The following GPAM variants were observed in gnomAD, a reference collection of about 807,000 sequenced individuals.
GPAM encodes glycerol-3-phosphate acyltransferase 1, mitochondrial.
In GPAM, 56 loss-of-function variants were observed where a neutral mutation model predicts 105.0. The ratio of observed to expected loss-of-function variants is 0.53; its 90% CI spans 0.43 to 0.67. The LOEUF is 0.67. GPAM is among the 30% of genes least tolerant of loss of function. The pLI is 0.00. For synonymous variants in GPAM, 368 were observed against 354.4 expected (o/e 1.04, Z -0.43); for missense variants, 855 against 989.8 (o/e 0.86, Z 1.83).
At chr10:112,211,534 C>A (rs906544723) in intron 1 of GPAM, among the ~76,000 whole-genome samples, 1 of 152,148 alleles carries the variant, frequency 6.6e-6, no homozygotes, top group Non-Finnish European at 1.5e-5. Flanking sequence ...CCCACCCCAT[C>A]GAAACTAGGT....
At position 112,173,774 on chromosome 10, in the gene GPAM, G is replaced by C. The variant is rs748195447; in HGVS notation, c.485C>G (p.Ala162Gly). Residue 162 changes from alanine (A) to glycine (G), a missense_variant, in exon 7 of 22, where the codon GCC becomes GGC. Transcript: ENST00000348367. ...PDGSAQQQSK[A>G]VNKVKKKAKR... ...AGCTTTCTTTTTCACTTTGTTAACG[G>C]CTTTTGATTGCTGCTGGGCAGAACC... The C allele has an allele frequency of 1.2e-5, 20 of 1,613,226 alleles. No homozygotes were observed. Among genetic ancestry groups the C allele is most frequent in the Middle Eastern group, 3.3e-4 (2 of 6,060 alleles).
chr10:112,223,812 T>C, the GPAM span, among the ~76,000 whole-genome samples: 1 of 152,206 alleles, frequency 6.6e-6, no homozygotes, highest in Non-Finnish European at 1.5e-5. Flanking sequence ...AAACAAAGAC[T>C]ACAGCAAAAT....
At chr10:112,178,466 C>T (rs1847446630) in intron 4 of GPAM, among the ~76,000 whole-genome samples, 1 of 152,102 alleles carries the variant, frequency 6.6e-6, no homozygotes, top group African/African-American at 2.4e-5. Context: ...AGGAGAATTG[C>T]TTGAACCTAA....
chr10:112,189,176 T>G (rs1847627209), intron 1 of GPAM, among the ~76,000 whole-genome samples: 1 of 152,232 alleles, frequency 6.6e-6, no homozygotes, highest in Non-Finnish European at 1.5e-5. Context: ...TATCAAGAAC[T>G]TTTAAAGGAA....
At chr10:112,200,750 A>G (rs1032897913) in intron 1 of GPAM, among the ~76,000 whole-genome samples, 1 of 152,202 alleles carries the variant, frequency 6.6e-6, no homozygotes, top group Non-Finnish European at 1.5e-5. Context: ...CTGAAGGGAT[A>G]CTTTTACCTC....
chr10:112,171,636 C>A (rs943940753), intron 9 of GPAM, among the ~76,000 whole-genome samples: 7 of 152,206 alleles, frequency 4.6e-5, no homozygotes, highest in Non-Finnish European at 2.9e-5. Context: ...GCTCCTGTAT[C>A]TCTCCGCATT....
At chr10:112,162,131 A>G (rs10885313) in intron 14 of GPAM, among the ~76,000 whole-genome samples, 58,293 of 152,034 alleles carry the variant, frequency 0.38, 12,304 homozygotes, top group East Asian at 0.49. Context: ...CTACAACTCT[A>G]CTTCACTCTT....
upstream of GPAM, among the ~76,000 whole-genome samples, chr10:112,216,049 T>A (rs952974852): frequency 6.6e-6 from 1 of 152,142 alleles, no homozygotes; most frequent in African/African-American, 2.4e-5. Context: ...GCTAGCTGTG[T>A]CCATGTGACT....
At chr10:112,207,382 G>A (rs1847863890) in intron 1 of GPAM, among the ~76,000 whole-genome samples, 1 of 152,186 alleles carries the variant, frequency 6.6e-6, no homozygotes, top group Non-Finnish European at 1.5e-5. Context: ...AGCTGGCAGA[G>A]CCTTGATGAG....
At chr10:112,204,212 C>T (rs1313257725) in intron 1 of GPAM, among the ~76,000 whole-genome samples, 3 of 151,730 alleles carry the variant, frequency 2.0e-5, no homozygotes, top group Admixed American at 2.0e-4. Context: ...TAGAACAATG[C>T]TGTCTGCAAA....
chr10:112,172,045 T>G (rs1847321382), intron 9 of GPAM, 137 bp downstream of exon 9: 1 of 675,268 alleles, frequency 1.5e-6, no homozygotes. Context: ...ACACAATAAC[T>G]ATGTATCACT....
At chr10:112,203,583 G>C (rs1370070773) in intron 1 of GPAM, among the ~76,000 whole-genome samples, 1 of 152,124 alleles carries the variant, frequency 6.6e-6, no homozygotes. Context: ...TCAAACTTCT[G>C]CTTTTGTTAT....
Position 112,181,714 on chromosome 10 carries a change from A to C in GPAM, c.71T>G (p.Val24Gly), listed in dbSNP as rs765481006. The C allele has an allele frequency of 6.2e-7, 1 of 1,608,144 alleles. No individual in the cohort carries two copies. Among genetic ancestry groups the C allele is most frequent in the Admixed American group, 1.7e-5 (1 of 60,004 alleles). ...SYLPHSSEYS[V>G]GRCKHTSEEW... Reference sequence around the variant, plus strand: ...CTCACTTGTGTGCTTACATCGACCAACACTGTATTCTGATGAATGTGGCAG... The same window carrying C: ...CTCACTTGTGTGCTTACATCGACCACCACTGTATTCTGATGAATGTGGCAG... The change falls in exon 3 of 22, where the codon GTT (valine) becomes GGT (glycine). Residue 24 changes from valine to glycine, a missense_variant. Coordinates refer to ENST00000348367, the MANE Select transcript of GPAM (RefSeq NM_001244949.2).
chr10:112,227,550 C>T, the GPAM span, among the ~76,000 whole-genome samples: 7 of 152,216 alleles, frequency 4.6e-5, no homozygotes, highest in East Asian at 1.9e-4. Flanking sequence ...GCCAAGAAGA[C>T]GGCCCCTTGA....
intron 1 of GPAM, among the ~76,000 whole-genome samples, chr10:112,209,215 A>G (rs1847883738): frequency 6.6e-6 from 1 of 152,124 alleles, no homozygotes; most frequent in Non-Finnish European, 1.5e-5. Context: ...TGATTCATGG[A>G]GCTAATTAGA....
chr10:112,209,641 A>G (rs1398407716), intron 1 of GPAM, among the ~76,000 whole-genome samples: 1 of 152,148 alleles, frequency 6.6e-6, no homozygotes, highest in African/African-American at 2.4e-5. Context: ...GCCAAGTCCT[A>G]GCAGAGCTCT....
chr10:112,200,242 T>A (rs7085045), intron 1 of GPAM, among the ~76,000 whole-genome samples: 1 of 126,986 alleles, frequency 7.9e-6, no homozygotes, highest in Non-Finnish European at 1.6e-5. Flanking sequence ...TATATATATA[T>A]ATAGAGAGAG....
At chr10:112,214,598 G>A (rs1847948232) in intron 1 of GPAM, among the ~76,000 whole-genome samples, 1 of 152,158 alleles carries the variant, frequency 6.6e-6, no homozygotes, top group East Asian at 1.9e-4. Flanking sequence ...GTGGGGATAA[G>A]AATGAATATC....
rs569886498 is a variant in GPAM, at chr10:112,203,707, C to G, written n.210+11461G>C. Among the ~76,000 whole-genome samples the G allele has an allele frequency of 1.8e-4, 28 of 152,314 alleles. No homozygotes were observed. In the East Asian group the frequency reaches 5.0e-3, roughly 27 times the overall value. On this transcript the variant is annotated intron_variant and non_coding_transcript_variant, in intron 1 of 3. Transcript: ENST00000480130. ...TAGTATTTACCAGGACTGTGCCACA[C>G]GCTCTCCATACACTCTGTTATTTAA... is the stretch of plus-strand genomic sequence containing the variant.
Sources: allele counts gnomAD v4.1 joint callset (sites outside exome capture counted in the v4.1 genomes callset), GRCh38; gene constraint gnomAD v4.1.1; transcripts MANE v1.5; gene names NCBI Gene and HGNC (gene_info 2026-07-23, HGNC 2026-07-21).